AKT3: variants seen among roughly 807,000 people sequenced by gnomAD.
AKT3 encodes the protein RAC-gamma serine/threonine-protein kinase.
Under a neutral mutation model 65.3 loss-of-function variants are expected in AKT3, and 15 were observed. That is an observed-to-expected ratio of 0.23 (90% confidence interval 0.15 to 0.35). AKT3 has a LOEUF of 0.35. Among genes scored for constraint, AKT3 ranks in the 10% least tolerant of loss-of-function variants. AKT3 has a pLI of 1.00. For missense variants in AKT3, 243 were observed against 576.5 expected, an observed-to-expected ratio of 0.42 and a Z score of 5.92; for synonymous variants, 206 against 183.8, an observed-to-expected ratio of 1.12 and a Z score of -0.98.
Position 243,761,022 on chromosome 1 carries a change from C to T in AKT3, c.47-65306G>A, listed in dbSNP as rs566846141. On this transcript the variant is annotated intron_variant, in intron 2 of 13. Transcript: ENST00000673466. ...GCAAGAACCCAGCCCTGTATTTCAC[C>T]TAGAGCAATGGGTCAGTATCTGTGG... Among the ~76,000 whole-genome samples, 4 of 152,244 alleles carry T rather than the reference C, an allele frequency of 2.6e-5. No individual in the cohort carries two copies. In the South Asian group the frequency reaches 8.3e-4, roughly 32 times the overall value.
intron 13 of AKT3, among the ~76,000 whole-genome samples, chr1:243,506,912 A>G (rs1669704230): frequency 6.6e-6 from 1 of 152,250 alleles, no homozygotes; most frequent in Admixed American, 6.5e-5. Flanking sequence ...ATTTTTAGCT[A>G]CAGTAAAAAC....
chr1:243,710,951 A>G (rs1572210499), intron 2 of AKT3, among the ~76,000 whole-genome samples: 1 of 152,234 alleles, frequency 6.6e-6, no homozygotes, highest in African/African-American at 2.4e-5. Context: ...TACTGGCCGT[A>G]GCAGAGAAAA....
At chr1:243,597,492 T>C (rs1676701863) in intron 8 of AKT3, among the ~76,000 whole-genome samples, 1 of 152,094 alleles carries the variant, frequency 6.6e-6, no homozygotes, top group Non-Finnish European at 1.5e-5. Flanking sequence ...CAGAATACTA[T>C]GCATTTTTGT....
At chr1:243,770,208 C>G (rs776847785) in intron 2 of AKT3, among the ~76,000 whole-genome samples, 15 of 152,054 alleles carry the variant, frequency 9.9e-5, no homozygotes, top group Admixed American at 2.6e-4. Flanking sequence ...AGCACAGTGC[C>G]TGAAGGTGAG....
At chr1:243,720,767 T>C (rs1686841754) in intron 2 of AKT3, among the ~76,000 whole-genome samples, 1 of 152,226 alleles carries the variant, frequency 6.6e-6, no homozygotes, top group Admixed American at 6.5e-5. Context: ...TAATCTCTTG[T>C]CCTTTTCCTT....
chr1:243,549,250 T>C (rs1672880431), intron 11 of AKT3, among the ~76,000 whole-genome samples: 1 of 152,166 alleles, frequency 6.6e-6, no homozygotes, highest in Admixed American at 6.5e-5. Flanking sequence ...ATTATCAACA[T>C]CTAGCCCCAT....
At chr1:243,647,320 T>C (rs956285376) in intron 4 of AKT3, among the ~76,000 whole-genome samples, 1 of 152,206 alleles carries the variant, frequency 6.6e-6, no homozygotes, top group African/African-American at 2.4e-5. Flanking sequence ...ATACTTACCA[T>C]TGCATTACAA....
intron 4 of AKT3, among the ~76,000 whole-genome samples, chr1:243,659,417 T>A (rs1396953649): frequency 1.3e-5 from 2 of 152,160 alleles, no homozygotes; most frequent in African/African-American, 2.4e-5. Flanking sequence ...ATTATGTAAT[T>A]TTTACCATAA....
chr1:243,641,355 G>A lies in AKT3; in HGVS notation c.430-3613C>T, dbSNP rs189985467. On this transcript the variant is annotated intron_variant, in intron 5 of 13. Coordinates refer to ENST00000673466, the MANE Select transcript of AKT3 (RefSeq NM_005465.7). ...ATATATTATTAATTCTGTCCCTCTA[G>A]AGAACCCTAATACACATGGCAAGTA... Among the ~76,000 whole-genome samples, 244 of 150,282 alleles carry A rather than the reference G, an allele frequency of 1.6e-3. 1 individual carries two copies. The highest frequency in any genetic ancestry group is 2.1e-3 in the Non-Finnish European group (141 of 67,714).
chr1:243,536,819 A>C (rs1558597751), intron 12 of AKT3, among the ~76,000 whole-genome samples: 1 of 152,204 alleles, frequency 6.6e-6, no homozygotes, highest in Non-Finnish European at 1.5e-5. Flanking sequence ...AATGTCTAGC[A>C]GGTATTTGGA....
At chr1:243,622,970 A>T (rs1678874898) in intron 6 of AKT3, among the ~76,000 whole-genome samples, 1 of 152,198 alleles carries the variant, frequency 6.6e-6, no homozygotes, top group African/African-American at 2.4e-5. Context: ...AGGGTAACAC[A>T]TCAGGCCTGG....
chr1:243,741,942 G>C (rs1245640793), intron 2 of AKT3: 2 of 150,802 alleles, frequency 1.3e-5, no homozygotes, highest in Non-Finnish European at 2.9e-5. Context: ...TGTATTAACA[G>C]TATTCAAAAA....
At chr1:243,770,828 C>T (rs562132384) in intron 2 of AKT3, among the ~76,000 whole-genome samples, 2 of 152,100 alleles carry the variant, frequency 1.3e-5, no homozygotes, top group East Asian at 1.9e-4. Flanking sequence ...TTCCCACCAC[C>T]GTTGTCATTC....
intron 1 of AKT3, 97 bp downstream of exon 1, chr1:243,849,943 G>A: frequency 5.6e-6 from 5 of 898,106 alleles, no homozygotes; most frequent in Non-Finnish European, 6.7e-6. Context: ...GCCATCCCCC[G>A]CCTGAGGGAG....
chr1:243,598,091 T>C (rs191874054), intron 8 of AKT3, among the ~76,000 whole-genome samples: 102 of 152,320 alleles, frequency 6.7e-4, no homozygotes, highest in Non-Finnish European at 1.0e-3. Context: ...ATGAGAAAAT[T>C]ATGACAGTAC....
chr1:243,532,663 A>T (rs1435074879), intron 12 of AKT3, among the ~76,000 whole-genome samples: 2 of 152,222 alleles, frequency 1.3e-5, no homozygotes, highest in South Asian at 4.1e-4. Flanking sequence ...CTCCCTTCAT[A>T]GAGCAAGTGA....
intron 2 of AKT3, among the ~76,000 whole-genome samples, chr1:243,776,356 C>T (rs1419698124): frequency 6.6e-6 from 1 of 152,142 alleles, no homozygotes; most frequent in Non-Finnish European, 1.5e-5. Context: ...AACGCTAACC[C>T]CCTAGTGTGA....
chr1:243,698,122 T>C (rs999251354), intron 2 of AKT3, among the ~76,000 whole-genome samples: 15 of 152,094 alleles, frequency 9.9e-5, no homozygotes, highest in Non-Finnish European at 2.1e-4. Context: ...AATTCCTTAA[T>C]TGCTCTTATT....
intron 6 of AKT3, among the ~76,000 whole-genome samples, chr1:243,617,734 C>T (rs1394786244): frequency 3.3e-5 from 5 of 152,030 alleles, no homozygotes; most frequent in East Asian, 1.9e-4. Flanking sequence ...AGTCTACTCA[C>T]GTTCTTCTAA....
Sources: gnomAD v4.1 joint callset for allele counts (sites outside exome capture counted in the v4.1 genomes callset) on GRCh38, gnomAD v4.1.1 for gene constraint, MANE v1.5 for transcripts, NCBI Gene and HGNC (gene_info 2026-07-23, HGNC 2026-07-21) for gene names.